Variants in DSCAM observed in about 807,000 individuals in gnomAD.
DSCAM encodes the protein cell adhesion molecule DSCAM.
Under a neutral mutation model 217.7 loss-of-function variants are expected in DSCAM, and 47 were observed. That is an observed-to-expected ratio of 0.22 (90% CI 0.17 to 0.28). The LOEUF is 0.28. Among genes scored for constraint, DSCAM ranks in the 10% least tolerant of loss-of-function variants. The pLI, the probability that DSCAM is intolerant of heterozygous loss-of-function variation, is 1.00. For synonymous variants in DSCAM, 1,056 were observed against 1,015.3 expected (o/e 1.04, Z -0.76); for missense variants, 2,080 against 2,618.3 (o/e 0.79, Z 4.49).
intron 1 of DSCAM, among the ~76,000 whole-genome samples, chr21:40,796,091 T>A (rs1227520885): frequency 6.6e-6 from 1 of 152,238 alleles, no homozygotes. Flanking sequence ...AGTACATAGC[T>A]ACTAAGTCAC....
rs537127494 is a variant in DSCAM, at chr21:40,662,668, G to A, written c.508+30142C>T. The stretch of plus-strand genomic sequence containing the variant: ...CCTGTTCCCCAACATGATGCTATGG[G>A]AGGTGGGGCAGAATGGAATCAGTGC... On this transcript the variant is annotated intron_variant, in intron 3 of 32. Coordinates refer to ENST00000400454, the MANE Select transcript of DSCAM (RefSeq NM_001389.5). Among the ~76,000 whole-genome samples, 21 of 152,296 alleles carry A rather than the reference G, an allele frequency of 1.4e-4. No homozygotes were observed. In the East Asian group the frequency reaches 4.1e-3, roughly 29 times the overall value.
At chr21:40,603,229 T>C (rs2077075562) in intron 3 of DSCAM, among the ~76,000 whole-genome samples, 1 of 152,178 alleles carries the variant, frequency 6.6e-6, no homozygotes, top group African/African-American at 2.4e-5. Flanking sequence ...TTTCTTGAGA[T>C]GTCTTTTATA....
intron 1 of DSCAM, among the ~76,000 whole-genome samples, chr21:40,816,505 G>A (rs557955019): frequency 6.6e-6 from 1 of 152,308 alleles, no homozygotes; most frequent in African/African-American, 2.4e-5. Context: ...GAACTCAGGA[G>A]GCAGAGCTTC....
intron 1 of DSCAM, among the ~76,000 whole-genome samples, chr21:40,716,829 T>C (rs149639808): frequency 2.8e-3 from 425 of 152,244 alleles, no homozygotes; most frequent in Admixed American, 5.8e-3. Context: ...CTGGTACTAC[T>C]GCCAAGGAAA....
intron 4 of DSCAM, among the ~76,000 whole-genome samples, chr21:40,357,634 T>C (rs28473252): frequency 1.3e-5 from 2 of 152,124 alleles, no homozygotes; most frequent in Non-Finnish European, 2.9e-5. Context: ...TCTATTATTC[T>C]GAACTCTGTC....
At chr21:40,442,079 G>C (rs962637034) in intron 3 of DSCAM, among the ~76,000 whole-genome samples, 2 of 152,124 alleles carry the variant, frequency 1.3e-5, no homozygotes, top group African/African-American at 4.8e-5. Context: ...ATCCAAGGGG[G>C]TATATTGAAA....
intron 8 of DSCAM, among the ~76,000 whole-genome samples, chr21:40,317,995 G>A (rs947604696): frequency 2.6e-5 from 4 of 152,060 alleles, no homozygotes; most frequent in Admixed American, 2.0e-4. Flanking sequence ...CCCTACAAAG[G>A]ACATGAACTC....
In DSCAM at chr21:40,439,827, C is replaced by T. The variant is rs1478804267; in HGVS notation, c.509-70582G>A. Among the ~76,000 whole-genome samples, 3 of 152,128 alleles carry T rather than the reference C, an allele frequency of 2.0e-5. 1 individual carries two copies. The South Asian group carries it at 6.2e-4, about 32-fold the overall frequency. On this transcript the variant is annotated intron_variant, in intron 3 of 32. Transcript: ENST00000400454. ...CATCAGATCTCATGAGACTTATTCA[C>T]TATCACAAGATCACGAGAACAGCAT...
chr21:40,128,569 G>A (rs1350983830), intron 19 of DSCAM, among the ~76,000 whole-genome samples: 1 of 152,048 alleles, frequency 6.6e-6, no homozygotes, highest in Non-Finnish European at 1.5e-5. Context: ...GACAAAAGAG[G>A]TCAGAGGGAT....
intron 1 of DSCAM, among the ~76,000 whole-genome samples, chr21:40,729,501 G>A (rs1465609136): frequency 6.6e-6 from 1 of 152,102 alleles, no homozygotes; most frequent in Non-Finnish European, 1.5e-5. Flanking sequence ...GTAGTCCTTG[G>A]AGCTCATCTA....
intron 3 of DSCAM, among the ~76,000 whole-genome samples, chr21:40,387,357 T>C (rs1050620569): frequency 2.0e-5 from 3 of 151,562 alleles, no homozygotes; most frequent in South Asian, 2.1e-4. Context: ...CACTAAAAGA[T>C]TGGACCTCCA....
At chr21:40,382,660 C>T (rs1046097819) in intron 3 of DSCAM, among the ~76,000 whole-genome samples, 21 of 152,144 alleles carry the variant, frequency 1.4e-4, no homozygotes, top group Non-Finnish European at 2.5e-4. Flanking sequence ...CAGATGCGGT[C>T]CCTCGTGTCA....
At chr21:40,399,306 C>CA (rs1053848174) in intron 3 of DSCAM, among the ~76,000 whole-genome samples, 2 of 150,680 alleles carry the variant, frequency 1.3e-5, no homozygotes, top group Non-Finnish European at 3.0e-5. Context: ...CAAAACAAAA[C>CA]AAAACATAGG....
intron 3 of DSCAM, among the ~76,000 whole-genome samples, chr21:40,688,131 G>A (rs866077335): frequency 2.0e-5 from 3 of 152,232 alleles, no homozygotes; most frequent in Non-Finnish European, 4.4e-5. Context: ...TATTACAGCA[G>A]AAAATTGGGC....
chr21:40,481,351 A>G (rs1307827615), intron 3 of DSCAM, among the ~76,000 whole-genome samples: 1 of 151,804 alleles, frequency 6.6e-6, no homozygotes, highest in Non-Finnish European at 1.5e-5. Flanking sequence ...TTAGCCAGGC[A>G]TGGTGGCGGG....
At chr21:40,195,523 T>C (rs1177101194) in intron 11 of DSCAM, among the ~76,000 whole-genome samples, 1 of 152,156 alleles carries the variant, frequency 6.6e-6, no homozygotes, top group Non-Finnish European at 1.5e-5. Context: ...ATCGGTCCTA[T>C]TTGAAAACCA....
At chr21:40,754,351 G>C (rs1315009284) in intron 1 of DSCAM, among the ~76,000 whole-genome samples, 1 of 152,312 alleles carries the variant, frequency 6.6e-6, no homozygotes. Flanking sequence ...CCCCCAGAAG[G>C]AGACTCTGTG....
intron 11 of DSCAM, among the ~76,000 whole-genome samples, chr21:40,230,713 C>A (rs1160405835): frequency 6.6e-6 from 1 of 152,172 alleles, no homozygotes; most frequent in Admixed American, 6.5e-5. Flanking sequence ...CATGGGATAA[C>A]TGAAGAGTGT....
chr21:40,016,236 A>G lies in DSCAM; in HGVS notation c.5687-2850T>C, dbSNP rs928675542. The stretch of plus-strand genomic sequence containing the variant: ...TGTGAGATATGAAGGGGGTCCAAGG[A>G]AGGTGGCTTCAGAGTCAATGACAAG... On this transcript the variant is annotated intron_variant, in intron 32 of 32. Transcript: ENST00000400454. This position sits in a 1 kb window ranked among gnomAD's most constrained non-coding sequence, Gnocchi z 4.3. Among the ~76,000 whole-genome samples, 1 of 152,178 alleles carries G rather than the reference A, an allele frequency of 6.6e-6. No individual in the cohort carries two copies. Among genetic ancestry groups the G allele is most frequent in the Non-Finnish European group, 1.5e-5 (1 of 68,034 alleles).
Sources: allele counts gnomAD v4.1 joint callset (sites outside exome capture counted in the v4.1 genomes callset), GRCh38; gene constraint gnomAD v4.1.1; non-coding constraint Gnocchi (gnomAD v3.1); transcripts MANE v1.5; gene names NCBI Gene and HGNC (gene_info 2026-07-23, HGNC 2026-07-21).